Variants in KCNH7 observed in about 807,000 individuals in gnomAD.
KCNH7 encodes the protein voltage-gated inwardly rectifying potassium channel KCNH7.
KCNH7 carries 49 observed loss-of-function variants against 120.8 expected under a neutral mutation model. That is an observed-to-expected ratio of 0.41 (90% CI 0.32 to 0.51). The LOEUF is 0.51. KCNH7 is among the 20% of genes least tolerant of loss of function. The probability of loss-of-function intolerance (pLI) is 0.38; values close to 1 mark genes in which losing one functional copy is unlikely to be tolerated. For missense variants in KCNH7, 1,097 were observed against 1,446.6 expected, an observed-to-expected ratio of 0.76 and a Z score of 3.92; for synonymous variants, 547 against 516.1, an observed-to-expected ratio of 1.06 and a Z score of -0.81.
chr2:162,777,978 T>C (rs608665), intron 2 of KCNH7, among the ~76,000 whole-genome samples: 6,881 of 152,200 alleles, frequency 0.045, 181 homozygotes, highest in East Asian at 0.083. Context: ...TTGTCCAATA[T>C]GGTGACACTT....
chr2:162,387,441 A>G (rs1402040836), intron 12 of KCNH7, among the ~76,000 whole-genome samples: 1 of 151,508 alleles, frequency 6.6e-6, no homozygotes, highest in African/African-American at 2.4e-5. Context: ...GCCTTTTTCC[A>G]GTTAAACTGA....
intron 7 of KCNH7, among the ~76,000 whole-genome samples, chr2:162,444,669 A>G (rs1336528072): frequency 6.6e-6 from 1 of 152,176 alleles, no homozygotes; most frequent in Admixed American, 6.6e-5. Context: ...GTTGGTGCAT[A>G]TATTTTAACT....
chr2:162,474,970 G>T (rs1443935162), intron 6 of KCNH7, among the ~76,000 whole-genome samples: 1 of 152,212 alleles, frequency 6.6e-6, no homozygotes, highest in South Asian at 2.1e-4. Context: ...AGAAGAGTCA[G>T]CTCACATTCT....
chr2:162,423,630 A>C, intron 8 of KCNH7, 95 bp from the exon 9 acceptor site: 1 of 1,095,556 alleles, frequency 9.1e-7, no homozygotes, highest in Non-Finnish European at 1.3e-6. Context: ...GATTATCTCA[A>C]TCTAGTGGGG....
chr2:162,407,339 A>G (rs1259954297), intron 9 of KCNH7, among the ~76,000 whole-genome samples: 1 of 151,998 alleles, frequency 6.6e-6, no homozygotes, highest in African/African-American at 2.4e-5. Context: ...AAAATGAAAC[A>G]GAATTATCCT....
At chr2:162,545,507 G>A (rs573927228) in intron 2 of KCNH7, among the ~76,000 whole-genome samples, 3 of 152,226 alleles carry the variant, frequency 2.0e-5, no homozygotes, top group African/African-American at 7.2e-5. Context: ...GGCCATGAGA[G>A]GAAAGGGAAT....
At chr2:162,756,142 C>T (rs1243248660) in intron 2 of KCNH7, among the ~76,000 whole-genome samples, 2 of 152,082 alleles carry the variant, frequency 1.3e-5, no homozygotes, top group Non-Finnish European at 2.9e-5. Flanking sequence ...TTTTATTATT[C>T]AGTAAACATC....
chr2:162,832,339 G>A (rs1389093), intron 2 of KCNH7, among the ~76,000 whole-genome samples: 10,822 of 151,968 alleles, frequency 0.071, 418 homozygotes, highest in South Asian at 0.11. Context: ...CTTATATAAA[G>A]CTATTATGAA....
At chr2:162,590,925 T>C (rs902826828) in intron 2 of KCNH7, among the ~76,000 whole-genome samples, 3 of 152,142 alleles carry the variant, frequency 2.0e-5, no homozygotes, top group Non-Finnish European at 4.4e-5. Flanking sequence ...CTCTTGTCCA[T>C]ATAAGCACCA....
intron 9 of KCNH7, among the ~76,000 whole-genome samples, chr2:162,422,983 T>C (rs185346613): frequency 3.3e-5 from 5 of 152,288 alleles, no homozygotes; most frequent in Admixed American, 3.3e-4. Flanking sequence ...TGCCAAATGT[T>C]ATTGCAACTG....
intron 6 of KCNH7, among the ~76,000 whole-genome samples, chr2:162,489,876 A>G (rs1041272715): frequency 6.6e-6 from 1 of 152,252 alleles, no homozygotes; most frequent in African/African-American, 2.4e-5. Flanking sequence ...GTTCTATTAA[A>G]TTGGAATTGC....
intron 2 of KCNH7, among the ~76,000 whole-genome samples, chr2:162,572,954 G>T (rs543052678): frequency 2.6e-5 from 4 of 152,034 alleles, no homozygotes; most frequent in Admixed American, 2.6e-4. Flanking sequence ...GCTAGATGAC[G>T]AGTTAGTGGG....
intron 2 of KCNH7, among the ~76,000 whole-genome samples, chr2:162,783,819 G>A (rs1347122250): frequency 1.3e-5 from 2 of 152,136 alleles, no homozygotes; most frequent in African/African-American, 4.8e-5. Context: ...TTTAATACCT[G>A]AGCTTCGAAC....
chr2:162,524,257 T>C (rs2105798978), intron 3 of KCNH7, among the ~76,000 whole-genome samples: 1 of 152,154 alleles, frequency 6.6e-6, no homozygotes, highest in South Asian at 2.1e-4. Flanking sequence ...TTCAGAATTC[T>C]GCCAAATTGA....
chr2:162,697,647 T>C (rs1686340801), intron 2 of KCNH7, among the ~76,000 whole-genome samples: 1 of 152,078 alleles, frequency 6.6e-6, no homozygotes, highest in Non-Finnish European at 1.5e-5. Flanking sequence ...CTTCTCAACC[T>C]AGGTAGAGAT....
intron 14 of KCNH7, 74 bp downstream of exon 14, chr2:162,379,779 C>T: frequency 2.1e-6 from 3 of 1,414,088 alleles, no homozygotes; most frequent in South Asian, 2.7e-5. Context: ...GAGAATTTTC[C>T]ATTTGTAAGG....
At position 162,544,471 on chromosome 2, in the gene KCNH7, A is replaced by C. The variant is rs544803877; in HGVS notation, c.308-7391T>G. Among the ~76,000 whole-genome samples, 34 of 152,206 alleles carry C rather than the reference A, an allele frequency of 2.2e-4. 1 individual carries two copies. The South Asian group carries it at 6.6e-3, about 30-fold the overall frequency. On this transcript the variant is annotated intron_variant, in intron 2 of 15. Coordinates refer to ENST00000332142, the MANE Select transcript of KCNH7 (RefSeq NM_033272.4). ...TGGCAATAGTACCATTATCATCCCC[A>C]TTAGGCAGTAGTAAAGTGAGCCATG...
intron 6 of KCNH7, among the ~76,000 whole-genome samples, chr2:162,470,352 G>C (rs370101531): frequency 1.3e-5 from 2 of 150,648 alleles, no homozygotes; most frequent in Non-Finnish European, 3.0e-5. Flanking sequence ...GCCTCTGCCC[G>C]GCCGCGACCC....
intron 2 of KCNH7, among the ~76,000 whole-genome samples, chr2:162,538,745 G>A (rs981369885): frequency 3.3e-5 from 5 of 152,042 alleles, no homozygotes; most frequent in Non-Finnish European, 7.4e-5. Flanking sequence ...GAGGGATTTT[G>A]AGGGTAGGCC....
Sources: allele counts gnomAD v4.1 joint callset (sites outside exome capture counted in the v4.1 genomes callset), GRCh38; gene constraint gnomAD v4.1.1; transcripts MANE v1.5; gene names NCBI Gene and HGNC (gene_info 2026-07-23, HGNC 2026-07-21).